The following BPIFC variants were observed in gnomAD, a reference collection of about 807,000 sequenced individuals.
BPIFC encodes the protein BPI fold containing family C.
Under a neutral mutation model 57.6 loss-of-function variants are expected in BPIFC, and 60 were observed. The observed-to-expected ratio is 1.04, with a 90% CI of 0.85 to 1.29. The LOEUF (loss-of-function observed/expected upper bound fraction) is 1.29, where lower values mean the gene tolerates loss of function less well. Ranked by LOEUF, BPIFC falls within the 50% of genes most tolerant of loss-of-function variation. BPIFC has a pLI of 0.00. For missense variants in BPIFC, 581 were observed against 600.5 expected (o/e 0.97, Z 0.34); for synonymous variants, 243 against 224.5 (o/e 1.08, Z -0.74).
chr22:32,428,338 AG>A (rs1444916349), intron 13 of BPIFC, among the ~76,000 whole-genome samples: 3 of 151,570 alleles, frequency 2.0e-5, no homozygotes, highest in Admixed American at 2.0e-4. Flanking sequence ...TTGAGATCAT[AG>A]CTCACTGCAG....
intron 16 of BPIFC, 125 bp downstream of exon 16, chr22:32,415,790 T>C: frequency 1.7e-6 from 1 of 598,962 alleles, no homozygotes; most frequent in Non-Finnish European, 2.8e-6. Context: ...TAAGATTCCC[T>C]GGTCTGGGAA....
chr22:32,426,758 GGCACACGCCT>G (rs1934078770), intron 13 of BPIFC, among the ~76,000 whole-genome samples: 1 of 152,032 alleles, frequency 6.6e-6, no homozygotes. Flanking sequence ...CATGTGTGGT[GGCACACGCCT>G]GTAATCCCAG....
At chr22:32,459,208 G>A (rs1935107069) in intron 2 of BPIFC, among the ~76,000 whole-genome samples, 1 of 152,184 alleles carries the variant, frequency 6.6e-6, no homozygotes, top group Non-Finnish European at 1.5e-5. Flanking sequence ...GAAGGCCCAG[G>A]AAGGTGACCT....
At chr22:32,450,315 T>C (rs1429636605) in intron 4 of BPIFC, among the ~76,000 whole-genome samples, 1 of 152,224 alleles carries the variant, frequency 6.6e-6, no homozygotes, top group Admixed American at 6.5e-5. Flanking sequence ...AGCAACAGGC[T>C]ATGTCATATA....
intron 13 of BPIFC, among the ~76,000 whole-genome samples, chr22:32,423,668 T>C (rs1246027467): frequency 2.2e-5 from 3 of 138,590 alleles, no homozygotes; most frequent in Admixed American, 1.4e-4. Context: ...ATCAATGCAA[T>C]GTCAAAAAAA....
intron 13 of BPIFC, among the ~76,000 whole-genome samples, chr22:32,429,519 T>TTTTTG (rs1934174902): frequency 9.7e-6 from 1 of 102,962 alleles, no homozygotes; most frequent in Non-Finnish European, 2.4e-5. Flanking sequence ...GTTTTTTTTT[T>TTTTTG]TTTTTTTTTT....
intron 13 of BPIFC, 151 bp downstream of exon 13, chr22:32,431,196 C>T: frequency 1.8e-6 from 1 of 560,702 alleles, no homozygotes; most frequent in African/African-American, 1.9e-5. Context: ...TTACTGCAAC[C>T]TCTGCCTCCC....
chr22:32,457,328 A>G lies in BPIFC; in HGVS notation c.59T>C (p.Val20Ala). The G allele has an allele frequency of 6.2e-7, 1 of 1,611,062 alleles. No individual in the cohort carries two copies. Among genetic ancestry groups the G allele is most frequent in the Non-Finnish European group, 8.5e-7 (1 of 1,179,188 alleles). The stretch of plus-strand genomic sequence containing the variant: ...AGGGTAAATGGTCTGAGAGGATGAG[A>G]CATAGAGATTCCACAGGAGGAAACA... ...WGCFLLWNLY[V>A]SSSQTIYPGI... The change falls in exon 3 of 17, where the codon GTC becomes GCC. Residue 20 changes from valine to alanine, a missense_variant. Physicochemically the swap from Val to Ala is moderately conservative, Grantham distance 64. Coordinates refer to ENST00000300399, the MANE Select transcript of BPIFC (RefSeq NM_174932.3).
rs1379670000 is a variant in BPIFC at position 32,424,574 on chromosome 22, T to TTTCTTCTTCTACTTCTTCTTC, written c.1218-5171_1218-5170insGAAGAAGAAGTAGAAGAAGAA. Reference sequence around the variant, plus strand: ...TTCCTAAATCTTAAGTGTTATTTTCTTTCTTCTTCTTCTTCTTCTTCTTCT... The same window carrying TTTCTTCTTCTACTTCTTCTTC: ...TTCCTAAATCTTAAGTGTTATTTTCTTTCTTCTTCTACTTCTTCTTCTTCTTCTTCTTCTTCTTCTTCTTCT... On this transcript the variant is annotated intron_variant, in intron 13 of 16. Transcript: ENST00000300399. 1.6e-4 allele frequency among the ~76,000 whole-genome samples: 11 copies of TTTCTTCTTCTACTTCTTCTTC among 68,984 alleles called. 1 individual carries two copies. In the East Asian group the frequency reaches 5.2e-3, roughly 33 times the overall value. 45.3% of individuals were successfully genotyped at this position (68,984 alleles called of 152,430 possible).
At chr22:32,463,181 T>C (rs1415985920) in intron 1 of BPIFC, among the ~76,000 whole-genome samples, 14 of 152,182 alleles carry the variant, frequency 9.2e-5, no homozygotes, top group Non-Finnish European at 7.3e-5. Context: ...ACATAACTTT[T>C]CATTGAATTG....
intron 13 of BPIFC, among the ~76,000 whole-genome samples, chr22:32,428,822 C>A (rs1934146225): frequency 6.6e-6 from 1 of 152,042 alleles, no homozygotes; most frequent in African/African-American, 2.4e-5. Flanking sequence ...TCACTTGAAC[C>A]CGGGAGGCGG....
chr22:32,421,219 A>C (rs535679475), intron 13 of BPIFC, among the ~76,000 whole-genome samples: 1 of 152,350 alleles, frequency 6.6e-6, no homozygotes. Context: ...CTGATCCATA[A>C]GTAGTCCTCC....
In BPIFC at chr22:32,429,107, T is replaced by C. The variant is rs141394128; in HGVS notation, c.1217+2240A>G. 1.1e-4 allele frequency among the ~76,000 whole-genome samples: 16 copies of C among 152,358 alleles called. No homozygotes were observed. The East Asian group carries it at 3.1e-3, about 29-fold the overall frequency. Reference sequence around the variant, plus strand: ...CTCTTCCAGATGCAAAGCTATTTTATACAATTAACAGCTGTTGTGTTTGTG... The same window carrying C: ...CTCTTCCAGATGCAAAGCTATTTTACACAATTAACAGCTGTTGTGTTTGTG... On this transcript the variant is annotated intron_variant, in intron 13 of 16. Coordinates refer to ENST00000300399, the MANE Select transcript of BPIFC (RefSeq NM_174932.3).
At chr22:32,451,704 T>C (rs1055948583) in intron 4 of BPIFC, among the ~76,000 whole-genome samples, 1 of 151,932 alleles carries the variant, frequency 6.6e-6, no homozygotes, top group South Asian at 2.1e-4. Flanking sequence ...AATAAATATA[T>C]ATATAAATAA....
rs1934166368 is a variant in BPIFC at position 32,429,404 on chromosome 22, C to T, written c.1217+1943G>A. On this transcript the variant is annotated intron_variant, in intron 13 of 16. Coordinates refer to ENST00000300399, the MANE Select transcript of BPIFC (RefSeq NM_174932.3). The stretch of plus-strand genomic sequence containing the variant: ...TGCATTTTCAGTAGAGACGGGGTTT[C>T]ACCATGTTAGCCAGGATGGTCTCGA... Among the ~76,000 whole-genome samples the T allele has an allele frequency of 2.0e-5, 3 of 151,090 alleles. No homozygotes were observed. The South Asian group carries it at 6.3e-4, about 32-fold the overall frequency.
At chr22:32,429,268 G>T (rs1025644150) in intron 13 of BPIFC, among the ~76,000 whole-genome samples, 2 of 150,460 alleles carry the variant, frequency 1.3e-5, no homozygotes, top group African/African-American at 2.5e-5. Context: ...GTGCAGTGGC[G>T]CCATCTCGGC....
intron 12 of BPIFC, 129 bp downstream of exon 12, chr22:32,432,244 C>T: frequency 2.0e-6 from 2 of 1,010,722 alleles, no homozygotes; most frequent in African/African-American, 1.6e-5. Context: ...TCACGTCCAG[C>T]CTCCATCCTC....
At chr22:32,424,485 T>A (rs1933937970) in intron 13 of BPIFC, among the ~76,000 whole-genome samples, 1 of 152,030 alleles carries the variant, frequency 6.6e-6, no homozygotes, top group African/African-American at 2.4e-5. Context: ...GCTGCCTGTT[T>A]CAACTTAGCG....
chr22:32,438,376 T>C (rs2145939092), intron 8 of BPIFC, among the ~76,000 whole-genome samples: 1 of 152,276 alleles, frequency 6.6e-6, no homozygotes, highest in South Asian at 2.1e-4. Context: ...ACAAAATGCA[T>C]GTATAGTTTT....
Sources: allele counts gnomAD v4.1 joint callset (sites outside exome capture counted in the v4.1 genomes callset), GRCh38; gene constraint gnomAD v4.1.1; transcripts MANE v1.5; gene names NCBI Gene and HGNC (gene_info 2026-07-23, HGNC 2026-07-21).